Variants in EIF3K observed in about 807,000 individuals in gnomAD.
EIF3K encodes the protein eukaryotic translation initiation factor 3 subunit K, also known as eIF-3 p28.
In EIF3K, 27 loss-of-function variants were observed where a neutral mutation model predicts 34.2. The observed-to-expected ratio is 0.79, with a 90% CI of 0.58 to 1.09. The LOEUF (loss-of-function observed/expected upper bound fraction) is 1.09. Ranked by LOEUF, EIF3K falls within the 50% of genes least tolerant of loss-of-function variation. The pLI, the probability that EIF3K is intolerant of heterozygous loss-of-function variation, is 0.00. For synonymous variants in EIF3K, 105 were observed against 105.7 expected, an observed-to-expected ratio of 0.99 and a Z score of 0.04; for missense variants, 232 against 275.4, an observed-to-expected ratio of 0.84 and a Z score of 1.11.
chr19:38,632,625 C>T lies in EIF3K; in HGVS notation c.446C>T (p.Thr149Ile). 6.2e-7 allele frequency: 1 copy of T among 1,613,954 alleles called. No individual in the cohort carries two copies. The highest frequency in any genetic ancestry group is 1.3e-5 in the African/African-American group (1 of 75,042). The change falls in exon 6 of 8, where the codon ACT becomes ATT. Residue 149 changes from threonine (T) to isoleucine (I), a missense_variant. Coordinates refer to ENST00000248342, the MANE Select transcript of EIF3K (RefSeq NM_013234.4). ...GTTATCTGCCATGTTGTGGGTATCA[C>T]TTACCAGCACATTGACCGCTGGCTG... is the stretch of plus-strand genomic sequence containing the variant. ...RKFICHVVGI[T>I]YQHIDRWLLA...
chr19:38,631,202 G>C (rs1183378391), intron 4 of EIF3K, among the ~76,000 whole-genome samples: 2 of 152,166 alleles, frequency 1.3e-5, no homozygotes, highest in Non-Finnish European at 2.9e-5. Context: ...GAGAGACTTG[G>C]AAAAGAGACA....
chr19:38,635,853 A>G (rs1489040710), intron 7 of EIF3K: 1 of 152,300 alleles, frequency 6.6e-6, no homozygotes, highest in Admixed American at 6.5e-5. Context: ...TCATCATGGC[A>G]CTGAGCAGAT....
In EIF3K at chr19:38,619,232, T is replaced by G; in HGVS notation, c.-37T>G. 6.2e-7 allele frequency: 1 copy of G among 1,612,432 alleles called. No homozygotes were observed. Among genetic ancestry groups the G allele is most frequent in the Non-Finnish European group, 8.5e-7 (1 of 1,178,836 alleles). On this transcript the variant is annotated 5_prime_UTR_variant, in exon 1 of 8. Coordinates refer to ENST00000248342, the MANE Select transcript of EIF3K (RefSeq NM_013234.4). The stretch of plus-strand genomic sequence containing the variant: ...TGAGGACGCCGTGCCGGGTCAGTGT[T>G]AGCCTCCAGCCCTGGTTGTGGAAGG...
chr19:38,623,803 ACTC>A (rs375358949), intron 2 of EIF3K, among the ~76,000 whole-genome samples: 2 of 152,194 alleles, frequency 1.3e-5, no homozygotes, highest in East Asian at 3.9e-4. Context: ...CTTAGCCACT[ACTC>A]CAGACCACTG....
At chr19:38,628,976 G>A (rs1234188354) in intron 4 of EIF3K, among the ~76,000 whole-genome samples, 1 of 152,058 alleles carries the variant, frequency 6.6e-6, no homozygotes, top group Non-Finnish European at 1.5e-5. Context: ...CTTGTCTCGG[G>A]AGAAAATGGA....
rs572944358 is a variant in EIF3K at position 38,623,958 on chromosome 19, G to T, written c.159-119G>T. 1.8e-4 allele frequency: 269 copies of T among 1,499,250 alleles called. 1 individual carries two copies. In the African/African-American group the frequency reaches 3.3e-3, roughly 18 times the overall value. 92.9% of individuals were successfully genotyped at this position (1,499,250 alleles called of 1,614,324 possible). A position where few individuals can be genotyped will look rare whatever the true frequency, so the allele number is the denominator to read the frequency against. On this transcript the variant is annotated intron_variant, in intron 2 of 7. Coordinates refer to ENST00000248342, the MANE Select transcript of EIF3K (RefSeq NM_013234.4). Reference sequence around the variant, plus strand: ...CACAGCTGGGAAGCACTGGGACTGGGATTGGAACCCAGGCATGTCCAATTC... The same window carrying T: ...CACAGCTGGGAAGCACTGGGACTGGTATTGGAACCCAGGCATGTCCAATTC...
chr19:38,634,240 G>T (rs1317320151), intron 6 of EIF3K, among the ~76,000 whole-genome samples: 2 of 149,228 alleles, frequency 1.3e-5, no homozygotes, highest in Admixed American at 1.3e-4. Flanking sequence ...GAGACTATAG[G>T]CCTCTGCCAC....
At chr19:38,622,068 G>C (rs1045080787) in intron 2 of EIF3K, among the ~76,000 whole-genome samples, 1 of 150,804 alleles carries the variant, frequency 6.6e-6, no homozygotes, top group Non-Finnish European at 1.5e-5. Flanking sequence ...ACCATGCCCA[G>C]CTAATTTTAC....
chr19:38,623,579 AC>A (rs1186818983), intron 2 of EIF3K, among the ~76,000 whole-genome samples: 1 of 152,222 alleles, frequency 6.6e-6, no homozygotes, highest in Non-Finnish European at 1.5e-5. Flanking sequence ...TGCTGGGATT[AC>A]AGGCTTGAGC....
intron 6 of EIF3K, 138 bp downstream of exon 6, chr19:38,632,816 A>T: frequency 2.8e-6 from 2 of 716,904 alleles, no homozygotes; most frequent in South Asian, 4.0e-5. Flanking sequence ...AGGAAATAAG[A>T]ACTTGGTATA....
chr19:38,622,199 A>G lies in EIF3K; in HGVS notation c.158+1764A>G, dbSNP rs558231374. Reference sequence around the variant, plus strand: ...CAACTCAGTGCATCCTTTGCCTCCCAGGTTCATGTAATCCTCCTGCCTCGG... The same window carrying G: ...CAACTCAGTGCATCCTTTGCCTCCCGGGTTCATGTAATCCTCCTGCCTCGG... On this transcript the variant is annotated intron_variant, in intron 2 of 7. Transcript: ENST00000248342. Among the ~76,000 whole-genome samples the G allele has an allele frequency of 2.7e-5, 4 of 149,406 alleles. No individual in the cohort carries two copies. In the East Asian group the frequency reaches 7.9e-4, roughly 29 times the overall value.
intron 3 of EIF3K, 144 bp downstream of exon 3, chr19:38,624,341 C>A: frequency 7.7e-7 from 1 of 1,295,096 alleles, no homozygotes; most frequent in Non-Finnish European, 1.0e-6. Flanking sequence ...CTGGACAGTG[C>A]TGGGACACTG....
intron 6 of EIF3K, among the ~76,000 whole-genome samples, chr19:38,633,425 G>A (rs775239551): frequency 8.5e-5 from 13 of 152,202 alleles, no homozygotes; most frequent in Admixed American, 2.0e-4. Context: ...AAGGCCGGGT[G>A]CGGTGGCTCC....
chr19:38,632,998 C>A, intron 6 of EIF3K: 1 of 302,406 alleles, frequency 3.3e-6, no homozygotes, highest in Non-Finnish European at 6.2e-6. Context: ...ATGGAGGTGT[C>A]CAGTGGTGAT....
intron 1 of EIF3K, among the ~76,000 whole-genome samples, chr19:38,619,806 C>T (rs1975799683): frequency 6.6e-6 from 1 of 152,220 alleles, no homozygotes; most frequent in South Asian, 2.1e-4. Flanking sequence ...GAACCACAGG[C>T]GAATCAGACA....
At chr19:38,627,462 C>T (rs1568654046) in intron 4 of EIF3K, among the ~76,000 whole-genome samples, 1 of 151,732 alleles carries the variant, frequency 6.6e-6, no homozygotes, top group Admixed American at 6.6e-5. Flanking sequence ...GTCGGGAGTT[C>T]GAGACCAGCC....
intron 4 of EIF3K, among the ~76,000 whole-genome samples, chr19:38,629,288 TTTG>T (rs1976012629): frequency 1.3e-5 from 2 of 151,684 alleles, no homozygotes; most frequent in African/African-American, 4.9e-5. Flanking sequence ...TTTGTTTTGT[TTTG>T]TTTTGTTTTG....
intron 3 of EIF3K, among the ~76,000 whole-genome samples, chr19:38,624,630 C>G (rs1975910258): frequency 6.6e-6 from 1 of 152,000 alleles, no homozygotes; most frequent in African/African-American, 2.4e-5. Context: ...CCCAGTTACT[C>G]AGGAGGCTGA....
At chr19:38,629,426 C>T (rs1398846030) in intron 4 of EIF3K, among the ~76,000 whole-genome samples, 3 of 152,230 alleles carry the variant, frequency 2.0e-5, no homozygotes, top group Non-Finnish European at 4.4e-5. Context: ...TCCTGAGTAG[C>T]TGGGACTAAC....
Sources: allele counts gnomAD v4.1 joint callset (sites outside exome capture counted in the v4.1 genomes callset), GRCh38; gene constraint gnomAD v4.1.1; transcripts MANE v1.5; gene names NCBI Gene and HGNC (gene_info 2026-07-23, HGNC 2026-07-21).